The following SDK1 variants were observed in gnomAD, a reference collection of about 807,000 sequenced individuals.
SDK1 encodes the protein protein sidekick-1.
SDK1 carries 157 observed loss-of-function variants against 245.5 expected under a neutral mutation model. That is an observed-to-expected ratio of 0.64 (90% CI 0.56 to 0.73). The LOEUF (loss-of-function observed/expected upper bound fraction) is 0.73. Among genes scored for constraint, SDK1 ranks in the 30% least tolerant of loss-of-function variants. The pLI, the probability that SDK1 is intolerant of heterozygous loss-of-function variation, is 0.00. For missense variants in SDK1, 3,583 were observed against 3,002.3 expected, an observed-to-expected ratio of 1.19 and a Z score of -4.52; for synonymous variants, 1,647 against 1,278.5, an observed-to-expected ratio of 1.29 and a Z score of -6.15.
intron 5 of SDK1, among the ~76,000 whole-genome samples, chr7:3,868,036 T>C (rs925397580): frequency 6.6e-6 from 1 of 152,190 alleles, no homozygotes; most frequent in Non-Finnish European, 1.5e-5. Flanking sequence ...CATTTTTGTT[T>C]GAATGTTTCA....
intron 25 of SDK1, among the ~76,000 whole-genome samples, chr7:4,116,239 AC>A (rs992879864): frequency 1.3e-5 from 2 of 152,200 alleles, no homozygotes; most frequent in South Asian, 4.1e-4. Flanking sequence ...GGGCGGTGCC[AC>A]CCCCTCACCT....
At chr7:3,503,213 G>GGAA (rs958471011) in intron 1 of SDK1, among the ~76,000 whole-genome samples, 3 of 152,180 alleles carry the variant, frequency 2.0e-5, no homozygotes, top group African/African-American at 7.2e-5. Context: ...TCAACTCCCT[G>GGAA]GAAGAAGAAG....
At chr7:3,816,421 C>T (rs554827866) in intron 4 of SDK1, among the ~76,000 whole-genome samples, 121 of 148,614 alleles carry the variant, frequency 8.1e-4, no homozygotes, top group Non-Finnish European at 1.5e-3. Context: ...GATATCACCA[C>T]CGATCCCACA....
intron 14 of SDK1, among the ~76,000 whole-genome samples, chr7:3,987,918 C>G (rs1783994802): frequency 6.6e-6 from 1 of 152,114 alleles, no homozygotes; most frequent in South Asian, 2.1e-4. Flanking sequence ...TGTGCACCCA[C>G]TCACGCCTCT....
intron 4 of SDK1, among the ~76,000 whole-genome samples, chr7:3,820,221 C>T (rs1246958700): frequency 1.3e-5 from 2 of 152,200 alleles, no homozygotes; most frequent in Non-Finnish European, 2.9e-5. Context: ...GTGATCTCAG[C>T]TCACTTCAGC....
chr7:3,370,658 A>G (rs1347497991), intron 1 of SDK1, among the ~76,000 whole-genome samples: 2 of 152,250 alleles, frequency 1.3e-5, no homozygotes, highest in Admixed American at 6.5e-5. Flanking sequence ...TCTGGGCAGA[A>G]TGTTCTTCAA....
intron 5 of SDK1, among the ~76,000 whole-genome samples, chr7:3,838,123 T>C (rs1188324124): frequency 6.6e-6 from 1 of 152,218 alleles, no homozygotes; most frequent in Non-Finnish European, 1.5e-5. Flanking sequence ...GGCTGTTGCA[T>C]TGCATGCATT....
At chr7:4,005,529 G>C (rs967825308) in intron 14 of SDK1, among the ~76,000 whole-genome samples, 1 of 151,660 alleles carries the variant, frequency 6.6e-6, no homozygotes, top group Non-Finnish European at 1.5e-5. Flanking sequence ...TGTTGAGATG[G>C]AGCCACTCTA....
At chr7:3,582,941 C>G (rs560979304) in intron 1 of SDK1, among the ~76,000 whole-genome samples, 4 of 152,222 alleles carry the variant, frequency 2.6e-5, no homozygotes, top group South Asian at 2.1e-4. Flanking sequence ...GGCAGATAAC[C>G]AAGCAATCGT....
chr7:3,701,063 C>T (rs1361434219), intron 4 of SDK1, among the ~76,000 whole-genome samples: 1 of 151,980 alleles, frequency 6.6e-6, no homozygotes, highest in Non-Finnish European at 1.5e-5. Flanking sequence ...AGGCTATCTA[C>T]GTAGAAAATT....
chr7:3,486,974 A>G (rs956444918), intron 1 of SDK1, among the ~76,000 whole-genome samples: 5 of 152,194 alleles, frequency 3.3e-5, no homozygotes, highest in East Asian at 1.9e-4. Context: ...TGTATTAGCT[A>G]TCTTTTTATG....
chr7:3,641,307 G>A (rs1436378406), intron 3 of SDK1, among the ~76,000 whole-genome samples: 1 of 152,034 alleles, frequency 6.6e-6, no homozygotes, highest in Non-Finnish European at 1.5e-5. Flanking sequence ...TTTAAAATTA[G>A]CCTTTTATAC....
At chr7:3,798,187 C>A (rs1779012454) in intron 4 of SDK1, among the ~76,000 whole-genome samples, 1 of 148,072 alleles carries the variant, frequency 6.8e-6, no homozygotes, top group African/African-American at 2.5e-5. Context: ...AATCTGTGAC[C>A]TTGTCTTCCA....
At chr7:3,678,106 A>T (rs577721765) in intron 4 of SDK1, among the ~76,000 whole-genome samples, 25 of 152,368 alleles carry the variant, frequency 1.6e-4, no homozygotes, top group African/African-American at 6.0e-4. Flanking sequence ...CCCTTGTAAC[A>T]GCTAATATAA....
chr7:3,830,321 T>C (rs1779882360), intron 5 of SDK1, among the ~76,000 whole-genome samples: 1 of 152,176 alleles, frequency 6.6e-6, no homozygotes, highest in Admixed American at 6.5e-5. Flanking sequence ...CCTAATCGGA[T>C]TTTTTACAAA....
intron 5 of SDK1, among the ~76,000 whole-genome samples, chr7:3,919,331 T>C (rs1779504760): frequency 6.9e-6 from 1 of 145,952 alleles, no homozygotes; most frequent in African/African-American, 2.4e-5. Context: ...GGTGTCCCAG[T>C]CTTGCTCTTG....
chr7:3,533,314 G>A (rs1783411797), intron 1 of SDK1, among the ~76,000 whole-genome samples: 1 of 152,144 alleles, frequency 6.6e-6, no homozygotes, highest in Admixed American at 6.5e-5. Context: ...TAAGTGAATT[G>A]AAAAGTTGGA....
intron 22 of SDK1, among the ~76,000 whole-genome samples, 197 bp from the exon 23 acceptor site, chr7:4,110,466 G>C (rs1402308278): frequency 6.6e-6 from 1 of 152,140 alleles, no homozygotes; most frequent in African/African-American, 2.4e-5. Context: ...AACTCACCCA[G>C]ACTTGATGGT....
At chr7:3,575,307 T>A (rs1164626067) in intron 1 of SDK1, among the ~76,000 whole-genome samples, 2 of 151,980 alleles carry the variant, frequency 1.3e-5, no homozygotes, top group Non-Finnish European at 2.9e-5. Flanking sequence ...TGTCTCTTCT[T>A]GTAAGGGCAC....
Sources: allele counts gnomAD v4.1 joint callset (sites outside exome capture counted in the v4.1 genomes callset), GRCh38; gene constraint gnomAD v4.1.1; transcripts MANE v1.5; gene names NCBI Gene and HGNC (gene_info 2026-07-23, HGNC 2026-07-21).